Variants in NDUFAF6 observed in about 807,000 individuals in gnomAD.
NDUFAF6 encodes NADH:ubiquinone oxidoreductase complex assembly factor 6.
NDUFAF6 carries 45 observed loss-of-function variants against 40.8 expected under a neutral mutation model. The ratio of observed to expected loss-of-function variants is 1.10; its 90% CI spans 0.87 to 1.42. The LOEUF is 1.42. NDUFAF6 is among the 40% of genes most tolerant of loss of function. The probability of loss-of-function intolerance (pLI) is 0.00; values close to 1 mark genes in which losing one functional copy is unlikely to be tolerated. For missense variants in NDUFAF6, 435 were observed against 418.5 expected (o/e 1.04, Z -0.34); for synonymous variants, 185 against 155.9 (o/e 1.19, Z -1.39).
chr8:94,941,130 C>T (rs955041547), intron 1 of NDUFAF6: 4 of 578,780 alleles, frequency 6.9e-6, no homozygotes, highest in Non-Finnish European at 9.2e-6. Flanking sequence ...TTCAAATCAG[C>T]ATGCACATAT....
At chr8:95,090,167 C>T (rs16917313) in intron 2 of NDUFAF6, among the ~76,000 whole-genome samples, 3,005 of 152,172 alleles carry the variant, frequency 0.02, 93 homozygotes, top group African/African-American at 0.069. Flanking sequence ...CGGTGTGGCC[C>T]CTTTCCCAAA....
intron 2 of NDUFAF6, among the ~76,000 whole-genome samples, chr8:94,948,383 T>C (rs1205474287): frequency 6.6e-6 from 1 of 152,178 alleles, no homozygotes; most frequent in Non-Finnish European, 1.5e-5. Context: ...CCCAGCATAG[T>C]ATATGGCACA....
At chr8:95,053,025 C>G (rs868364430) in intron 8 of NDUFAF6, among the ~76,000 whole-genome samples, 25 of 152,124 alleles carry the variant, frequency 1.6e-4, no homozygotes, top group African/African-American at 4.8e-4. Context: ...GATTTGTAAT[C>G]TTTGAAAATT....
At chr8:95,100,115 C>T (rs1198064990), upstream of NDUFAF6, among the ~76,000 whole-genome samples, 1 of 152,114 alleles carries the variant, frequency 6.6e-6, no homozygotes, top group African/African-American at 2.4e-5. Context: ...AGGGCTCTCC[C>T]TACCTTTCTC....
intron 2 of NDUFAF6, among the ~76,000 whole-genome samples, chr8:94,982,137 C>T (rs748924408): frequency 9.3e-5 from 14 of 151,094 alleles, no homozygotes; most frequent in Admixed American, 2.6e-4. Context: ...GAGGCTGAGG[C>T]GGGAGAATGG....
At chr8:94,995,012 G>C (rs1234030839) in intron 2 of NDUFAF6, among the ~76,000 whole-genome samples, 4 of 152,184 alleles carry the variant, frequency 2.6e-5, no homozygotes, top group Non-Finnish European at 5.9e-5. Flanking sequence ...TTCAAAGCAG[G>C]ATCTCAAAGA....
chr8:95,105,781 G>A (rs1043263283), downstream of NDUFAF6, among the ~76,000 whole-genome samples: 1 of 151,728 alleles, frequency 6.6e-6, no homozygotes, highest in Non-Finnish European at 1.5e-5. Context: ...GATTACAGGC[G>A]TGAACCACCA....
At chr8:94,937,949 G>A (rs955767150) in intron 1 of NDUFAF6, among the ~76,000 whole-genome samples, 2 of 152,172 alleles carry the variant, frequency 1.3e-5, no homozygotes, top group African/African-American at 4.8e-5. Flanking sequence ...CTGCAATCTA[G>A]ACCAGCACAG....
chr8:95,075,070 C>G (rs1832990352), intron 9 of NDUFAF6, among the ~76,000 whole-genome samples: 1 of 152,108 alleles, frequency 6.6e-6, no homozygotes, highest in Non-Finnish European at 1.5e-5. Context: ...TCAACAACGG[C>G]CCAGACTTGG....
intron 1 of NDUFAF6, among the ~76,000 whole-genome samples, chr8:95,027,604 G>T (rs950839176): frequency 6.6e-6 from 1 of 150,486 alleles, no homozygotes; most frequent in South Asian, 2.1e-4. Context: ...AAAAAGATTC[G>T]GTTTTTTCCT....
intron 1 of NDUFAF6, among the ~76,000 whole-genome samples, chr8:94,915,120 A>G (rs952053721): frequency 6.8e-6 from 1 of 146,758 alleles, no homozygotes; most frequent in Non-Finnish European, 1.5e-5. Context: ...CGCATCTTAA[A>G]TTTTTTTTTT....
At chr8:94,931,696 C>A (rs1167080499) in intron 1 of NDUFAF6, among the ~76,000 whole-genome samples, 1 of 151,930 alleles carries the variant, frequency 6.6e-6, no homozygotes, top group Non-Finnish European at 1.5e-5. Flanking sequence ...ATTTTTAGGC[C>A]AGGCGCTGTG....
chr8:94,916,960 A>C (rs760442538), intron 1 of NDUFAF6, among the ~76,000 whole-genome samples: 15 of 151,822 alleles, frequency 9.9e-5, no homozygotes, highest in Non-Finnish European at 2.2e-4. Flanking sequence ...TAAAAATACA[A>C]AAAATTAGCC....
intron 2 of NDUFAF6, among the ~76,000 whole-genome samples, chr8:95,005,553 A>ATATATATAT (rs60157067): frequency 3.2e-5 from 4 of 124,342 alleles, no homozygotes; most frequent in Admixed American, 8.3e-5. Flanking sequence ...ATATATATAT[A>ATATATATAT]AAAAATATAT....
intron 1 of NDUFAF6, among the ~76,000 whole-genome samples, chr8:94,932,525 C>T (rs946859329): frequency 3.9e-5 from 6 of 152,328 alleles, no homozygotes; most frequent in Non-Finnish European, 5.9e-5. Context: ...AAATCCCTGC[C>T]GGGCACGGTG....
In NDUFAF6 at chr8:95,035,442, C is replaced by A. The variant is rs770333962; in HGVS notation, c.298-12C>A. The A allele has an allele frequency of 6.2e-7, 1 of 1,613,094 alleles. No homozygotes were observed. Among genetic ancestry groups the A allele is most frequent in the Non-Finnish European group, 8.5e-7 (1 of 1,179,546 alleles). On this transcript the variant is annotated splice_polypyrimidine_tract_variant and intron_variant, in intron 2 of 8. Transcript: ENST00000396124. ...CAATGCATTTGCTAAAGTTTTTAAA[C>A]CCTGTTTATAGGTTAAAGACTCAGT...
chr8:94,910,230 G>T (rs1818688071), intron 1 of NDUFAF6, among the ~76,000 whole-genome samples: 1 of 152,130 alleles, frequency 6.6e-6, no homozygotes, highest in Non-Finnish European at 1.5e-5. Context: ...TTGGCTCAGT[G>T]CAACCTCTGT....
intron 1 of NDUFAF6, among the ~76,000 whole-genome samples, chr8:94,959,694 C>A (rs989827491): frequency 2.0e-5 from 3 of 152,072 alleles, no homozygotes; most frequent in Non-Finnish European, 2.9e-5. Flanking sequence ...CCATGCCAGG[C>A]TGTTATTTTT....
intron 9 of NDUFAF6, chr8:95,075,518 G>C (rs1054262143): frequency 1.4e-6 from 1 of 731,644 alleles, no homozygotes; most frequent in Non-Finnish European, 2.0e-6. Flanking sequence ...TCCCTTTTTG[G>C]AGCTGGGATT....
Sources: allele counts gnomAD v4.1 joint callset (sites outside exome capture counted in the v4.1 genomes callset), GRCh38; gene constraint gnomAD v4.1.1; transcripts MANE v1.5; gene names NCBI Gene and HGNC (gene_info 2026-07-23, HGNC 2026-07-21).